The following DEPDC5 variants were observed in gnomAD, a reference collection of about 807,000 sequenced individuals.
DEPDC5 encodes GATOR1 complex protein DEPDC5.
DEPDC5 carries 73 observed loss-of-function variants against 217.3 expected under a neutral mutation model. The observed-to-expected ratio is 0.34, with a 90% confidence interval of 0.28 to 0.41. DEPDC5 has a LOEUF of 0.41. DEPDC5 is among the 10% of genes least tolerant of loss of function. DEPDC5 has a pLI of 1.00. For missense variants in DEPDC5, 1,675 were observed against 2,070.1 expected (o/e 0.81, Z 3.70); for synonymous variants, 733 against 756.7 (o/e 0.97, Z 0.51).
At chr22:31,850,659 C>G (rs548845585) in intron 31 of DEPDC5, among the ~76,000 whole-genome samples, 1 of 152,298 alleles carries the variant, frequency 6.6e-6, no homozygotes, top group East Asian at 1.9e-4. Context: ...TGCCTATAAT[C>G]CTAGCACTTT....
chr22:31,845,111 C>A lies in DEPDC5; in HGVS notation c.2895C>A (p.His965Gln). 3.1e-6 allele frequency: 5 copies of A among 1,614,196 alleles called. No individual in the cohort carries two copies. The highest frequency in any genetic ancestry group is 4.2e-6 in the Non-Finnish European group (5 of 1,180,022). The part of the protein sequence containing the change: ...ATKRITEGEA[H>Q]CDIYGDRPRA... ...AGCGCATCACGGAGGGGGAGGCCCA[C>A]TGCGACATCTATGGGGACAGGCCCC... Residue 965 changes from histidine (H) to glutamine (Q), a missense_variant, in exon 30 of 43, where the codon CAC becomes CAA. By Grantham distance (24) the His-to-Gln change is conservative. Around this residue, in one of 11 missense-constraint regions of DEPDC5, gnomAD observed 293 missense variants for 386.1 expected, o/e 0.76. Transcript: ENST00000651528.
chr22:31,786,039 G>A (rs1051671161), intron 10 of DEPDC5, among the ~76,000 whole-genome samples: 1 of 151,960 alleles, frequency 6.6e-6, no homozygotes, highest in African/African-American at 2.4e-5. Flanking sequence ...GGCCGAGGTG[G>A]GCGGATCAGG....
intron 33 of DEPDC5, among the ~76,000 whole-genome samples, chr22:31,865,943 C>A (rs2092676763): frequency 1.3e-5 from 2 of 152,184 alleles, no homozygotes; most frequent in Non-Finnish European, 2.9e-5. Context: ...CCCACTTAGC[C>A]CATTTGTCTC....
chr22:31,890,665 C>T (rs1221267804), intron 38 of DEPDC5, among the ~76,000 whole-genome samples: 1 of 145,866 alleles, frequency 6.9e-6, no homozygotes, highest in Non-Finnish European at 1.5e-5. Context: ...GCCGAGATCA[C>T]GCCACTGCAC....
rs1338994859 is a variant in DEPDC5, at chr22:31,889,084, C to T, written c.4034-4498C>T. 6.6e-5 allele frequency among the ~76,000 whole-genome samples: 10 copies of T among 152,328 alleles called. No individual in the cohort carries two copies. In the East Asian group the frequency reaches 1.7e-3, roughly 26 times the overall value. On this transcript the variant is annotated intron_variant, in intron 38 of 42. Coordinates refer to ENST00000651528, the MANE Select transcript of DEPDC5 (RefSeq NM_001242896.3). Reference sequence around the variant, plus strand: ...CTACCTGGGGTTGCATTTTTCTCCTCTGCTGACACTGTCCCCTTCCCCAGG... The same window carrying T: ...CTACCTGGGGTTGCATTTTTCTCCTTTGCTGACACTGTCCCCTTCCCCAGG...
At chr22:31,848,637 G>T (rs539712373) in intron 31 of DEPDC5, among the ~76,000 whole-genome samples, 1 of 152,318 alleles carries the variant, frequency 6.6e-6, no homozygotes, top group East Asian at 1.9e-4. Context: ...CTCCAGCCCT[G>T]TAGTGGGAGG....
intron 14 of DEPDC5, among the ~76,000 whole-genome samples, chr22:31,801,255 C>T (rs904212121): frequency 1.3e-5 from 2 of 152,032 alleles, no homozygotes; most frequent in African/African-American, 2.4e-5. Flanking sequence ...GAGATTGTGC[C>T]ACTGCATTCC....
chr22:31,794,688 C>G (rs1409902227), intron 12 of DEPDC5, among the ~76,000 whole-genome samples: 4 of 152,064 alleles, frequency 2.6e-5, no homozygotes, highest in African/African-American at 9.7e-5. Context: ...AGTTTGAAAC[C>G]AGCCAGTGCA....
At chr22:31,870,781 A>G in intron 34 of DEPDC5, 37 bp downstream of exon 34, 1 of 1,488,688 alleles carries the variant, frequency 6.7e-7, no homozygotes. Flanking sequence ...GTTCCTGGGG[A>G]GTGGGGACAG....
At chr22:31,838,389 G>A (rs943302685) in intron 26 of DEPDC5, among the ~76,000 whole-genome samples, 1 of 151,968 alleles carries the variant, frequency 6.6e-6, no homozygotes, top group Non-Finnish European at 1.5e-5. Context: ...CTACAAGCGC[G>A]TGCCACCATA....
At chr22:31,757,629 T>A (rs1390095996) in intron 2 of DEPDC5, 6 of 152,362 alleles carry the variant, frequency 3.9e-5, no homozygotes, top group African/African-American at 1.4e-4. Flanking sequence ...AAAGGTGATG[T>A]CTTTCCTTGC....
chr22:31,867,558 A>G (rs569653888), intron 33 of DEPDC5, among the ~76,000 whole-genome samples: 3 of 152,346 alleles, frequency 2.0e-5, no homozygotes, highest in South Asian at 2.1e-4. Flanking sequence ...TCAGGAAACT[A>G]TAGGGCAGAT....
At position 31,882,966 on chromosome 22, in the gene DEPDC5, C is replaced by A. The variant is rs138359580; in HGVS notation, c.4033+3214C>A. ...AAAGTGTTCAACGAAAGGAATTATT[C>A]TAATGTGAATCTTCTCCAGTAGATC... On this transcript the variant is annotated intron_variant, in intron 38 of 42. Transcript: ENST00000651528. 5.3e-5 allele frequency among the ~76,000 whole-genome samples: 8 copies of A among 152,260 alleles called. No homozygotes were observed. In the East Asian group the frequency reaches 1.5e-3, roughly 29 times the overall value.
At chr22:31,771,725 A>T (rs914065490) in intron 7 of DEPDC5, among the ~76,000 whole-genome samples, 4 of 56,316 alleles carry the variant, frequency 7.1e-5, no homozygotes, top group South Asian at 1.8e-3. Context: ...TCACACACAC[A>T]CACACACACA....
In DEPDC5 at chr22:31,857,593, T is replaced by G. The variant is rs377625518; in HGVS notation, c.3264+40T>G. On this transcript the variant is annotated intron_variant, in intron 32 of 42. Coordinates refer to ENST00000651528, the MANE Select transcript of DEPDC5 (RefSeq NM_001242896.3). Reference sequence around the variant, plus strand: ...GGTAGCAGGGAGCTGTTCTGTGCTCTCAGAGACTCAGTGTGGAGGGTAAAA... The same window carrying G: ...GGTAGCAGGGAGCTGTTCTGTGCTCGCAGAGACTCAGTGTGGAGGGTAAAA... 29 of 1,522,396 alleles carry G rather than the reference T, an allele frequency of 1.9e-5. No homozygotes were observed. In the African/African-American group the frequency reaches 3.4e-4, roughly 18 times the overall value. The allele number at this position is 1,522,396 out of a possible 1,614,324, so 94.3% of individuals were successfully genotyped here.
chr22:31,847,363 A>G (rs543730392), intron 31 of DEPDC5, among the ~76,000 whole-genome samples: 5 of 152,150 alleles, frequency 3.3e-5, no homozygotes, highest in African/African-American at 1.2e-4. Context: ...ACTGGGGAAA[A>G]AAAAAAAAAA....
intron 17 of DEPDC5, 87 bp from the exon 18 acceptor site, chr22:31,806,035 G>A (rs1364634827): frequency 2.2e-5 from 26 of 1,155,620 alleles, no homozygotes; most frequent in Admixed American, 1.4e-4. Flanking sequence ...TGTCAGGAGG[G>A]CTGATCCATG....
intron 33 of DEPDC5, among the ~76,000 whole-genome samples, chr22:31,864,282 G>C (rs913895132): frequency 2.6e-5 from 4 of 150,958 alleles, no homozygotes; most frequent in Admixed American, 2.6e-4. Flanking sequence ...CTAATTTTTT[G>C]TATTTTTAGT....
intron 33 of DEPDC5, among the ~76,000 whole-genome samples, chr22:31,864,471 A>G (rs2092617371): frequency 7.0e-6 from 1 of 141,900 alleles, no homozygotes. Flanking sequence ...AGGCACATGA[A>G]TTAACCTTCT....
Sources: allele counts gnomAD v4.1 joint callset (sites outside exome capture counted in the v4.1 genomes callset), GRCh38; gene constraint gnomAD v4.1.1; regional missense constraint gnomAD v4.1.1; transcripts MANE v1.5; gene names NCBI Gene and HGNC (gene_info 2026-07-23, HGNC 2026-07-21).